SPI1: variants seen among roughly 807,000 people sequenced by gnomAD.
SPI1 encodes transcription factor PU.1.
Under a neutral mutation model 30.7 loss-of-function variants are expected in SPI1, and 3 were observed. The ratio of observed to expected loss-of-function variants is 0.10; its 90% CI spans 0.04 to 0.25. The LOEUF is 0.25. Ranked by LOEUF, SPI1 falls within the 10% of genes least tolerant of loss-of-function variation. SPI1 has a pLI of 1.00. For synonymous variants in SPI1, 169 were observed against 157.1 expected (o/e 1.08, Z -0.56); for missense variants, 261 against 371.5 (o/e 0.70, Z 2.45).
chr11:47,357,062 CACACACATGCTAACACT>C (rs1270188932), intron 4 of SPI1, among the ~76,000 whole-genome samples: 1 of 151,794 alleles, frequency 6.6e-6, no homozygotes, highest in African/African-American at 2.4e-5. Flanking sequence ...AACTCATGCT[CACACACATGCTAACACT>C]TCACACATGC....
intron 2 of SPI1, among the ~76,000 whole-genome samples, chr11:47,363,963 C>CA (rs1161379136): frequency 0.014 from 848 of 58,808 alleles, 12 homozygotes; most frequent in Admixed American, 0.018. Flanking sequence ...ACTCGGTCTC[C>CA]AAAAAAAAAA....
chr11:47,369,394 A>G (rs899515876), intron 2 of SPI1, among the ~76,000 whole-genome samples: 3 of 152,144 alleles, frequency 2.0e-5, no homozygotes, highest in African/African-American at 7.2e-5. Flanking sequence ...TTCCTGGATT[A>G]TTGCAATAGT....
At chr11:47,363,393 C>T (rs1263333845) in intron 2 of SPI1, among the ~76,000 whole-genome samples, 11 of 151,904 alleles carry the variant, frequency 7.2e-5, no homozygotes, top group Middle Eastern at 3.4e-3. Context: ...TGATGGCAGG[C>T]GCCTGTAATC....
intron 1 of SPI1, among the ~76,000 whole-genome samples, chr11:47,377,517 T>A (rs970734657): frequency 6.6e-6 from 1 of 152,030 alleles, no homozygotes; most frequent in Non-Finnish European, 1.5e-5. Context: ...CGGGGTCCCC[T>A]GGGGCTCCCA....
At chr11:47,357,918 ACACATACCTGTTCACACACATG>A (rs1182435828) in intron 4 of SPI1, among the ~76,000 whole-genome samples, 1 of 151,340 alleles carries the variant, frequency 6.6e-6, no homozygotes, top group Admixed American at 6.6e-5. Flanking sequence ...TTTCACACAT[ACACATACCTGTTCACACACATG>A]CACACCTGCT....
At chr11:47,365,000 C>T (rs1001367515) in intron 2 of SPI1, among the ~76,000 whole-genome samples, 18 of 152,312 alleles carry the variant, frequency 1.2e-4, no homozygotes, top group African/African-American at 4.1e-4. Flanking sequence ...ATGGATACCT[C>T]GCCTTTACCT....
At chr11:47,360,162 G>A (rs1565638698) in intron 2 of SPI1, 122 bp from the exon 3 acceptor site, 9 of 844,384 alleles carry the variant, frequency 1.1e-5, no homozygotes, top group African/African-American at 1.7e-5. Flanking sequence ...TTTAACCCTC[G>A]CCACCTGCAT....
chr11:47,372,160 A>G (rs1204192390), intron 2 of SPI1, among the ~76,000 whole-genome samples: 1 of 148,430 alleles, frequency 6.7e-6, no homozygotes, highest in Non-Finnish European at 1.5e-5. Context: ...GTTGGAGTTC[A>G]GTGGCGCGAT....
At chr11:47,365,163 C>T (rs2095926524) in intron 2 of SPI1, among the ~76,000 whole-genome samples, 1 of 152,188 alleles carries the variant, frequency 6.6e-6, no homozygotes, top group African/African-American at 2.4e-5. Context: ...TTCCGGATGA[C>T]TCTTCGAGAA....
Position 47,357,557 on chromosome 11 carries a change from C to T in SPI1, c.493+1287G>A, listed in dbSNP as rs978455915. Among the ~76,000 whole-genome samples, 10 of 145,338 alleles carry T rather than the reference C, an allele frequency of 6.9e-5. No homozygotes were observed. The Admixed American group carries it at 7.2e-4, about 10-fold the overall frequency. Reference sequence around the variant, plus strand: ...GCTCACACACACCTGCTCTCACACTCACACATCACACCCATTCTCTTGTTT... The same window carrying T: ...GCTCACACACACCTGCTCTCACACTTACACATCACACCCATTCTCTTGTTT... On this transcript the variant is annotated intron_variant, in intron 4 of 4. Coordinates refer to ENST00000378538, the MANE Select transcript of SPI1 (RefSeq NM_003120.3).
At chr11:47,371,117 T>G (rs1043876143) in intron 2 of SPI1, among the ~76,000 whole-genome samples, 35 of 151,908 alleles carry the variant, frequency 2.3e-4, no homozygotes, top group Non-Finnish European at 3.4e-4. Flanking sequence ...TCCCAGCACT[T>G]TGGGAGGCCA....
chr11:47,366,135 G>A (rs966903756), intron 2 of SPI1, among the ~76,000 whole-genome samples: 1 of 151,964 alleles, frequency 6.6e-6, no homozygotes, highest in Non-Finnish European at 1.5e-5. Context: ...CATTCATCAT[G>A]GAACCATTAT....
intron 4 of SPI1, among the ~76,000 whole-genome samples, chr11:47,356,084 T>C (rs2142876304): frequency 6.7e-6 from 1 of 149,764 alleles, no homozygotes; most frequent in South Asian, 2.1e-4. Context: ...CTCACACACA[T>C]GCTTGTGCAA....
chr11:47,358,225 T>A (rs1265981785), intron 4 of SPI1: 1 of 322,562 alleles, frequency 3.1e-6, no homozygotes, highest in African/African-American at 2.1e-5. Flanking sequence ...CACACATCCC[T>A]GCTTACATAC....
At chr11:47,358,346 G>C (rs2095915200) in intron 4 of SPI1, 1 of 583,590 alleles carries the variant, frequency 1.7e-6, no homozygotes, top group Non-Finnish European at 3.1e-6. Context: ...TCACATCCCT[G>C]CTCACACAGG....
chr11:47,377,899 C>T (rs1370061912), intron 1 of SPI1, among the ~76,000 whole-genome samples: 1 of 152,210 alleles, frequency 6.6e-6, no homozygotes, highest in Non-Finnish European at 1.5e-5. Context: ...AAGACTTCTG[C>T]CCATTGCCTC....
At chr11:47,361,622 G>T (rs2095920894) in intron 2 of SPI1, among the ~76,000 whole-genome samples, 1 of 152,182 alleles carries the variant, frequency 6.6e-6, no homozygotes, top group Non-Finnish European at 1.5e-5. Flanking sequence ...GGCCAAAGAG[G>T]GCGCCTACGA....
chr11:47,358,338 A>C, intron 4 of SPI1: 1 of 580,570 alleles, frequency 1.7e-6, no homozygotes, highest in South Asian at 2.0e-5. Context: ...TACCATGCTC[A>C]CATCCCTGCT....
rs766809584 is a variant in SPI1 at position 47,359,010 on chromosome 11, G to A, written c.331-4C>T. ...ACATCCGGGGCAGGTAGGAGACCTG[G>A]ACGGTGGGGGAAGGAGATCAGAGTC... On this transcript the variant is annotated splice_region_variant and splice_polypyrimidine_tract_variant and intron_variant, in intron 3 of 4. Transcript: ENST00000378538. The surrounding 1 kb of genome is among the most constrained non-coding windows in gnomAD (Gnocchi z 5.1). The A allele has an allele frequency of 6.6e-7, 1 of 1,522,692 alleles. No individual in the cohort carries two copies. Among genetic ancestry groups the A allele is most frequent in the Non-Finnish European group, 8.8e-7 (1 of 1,137,004 alleles). The allele number at this position is 1,522,692 out of a possible 1,614,324, so 94.3% of individuals were successfully genotyped here. A position where few individuals can be genotyped will look rare whatever the true frequency, so the allele number is the denominator to read the frequency against.
Sources: allele counts gnomAD v4.1 joint callset (sites outside exome capture counted in the v4.1 genomes callset), GRCh38; gene constraint gnomAD v4.1.1; non-coding constraint Gnocchi (gnomAD v3.1); transcripts MANE v1.5; gene names NCBI Gene and HGNC (gene_info 2026-07-23, HGNC 2026-07-21).